Variants in TM2D1 observed in about 807,000 individuals in gnomAD.
The protein encoded by TM2D1 is TM2 domain-containing protein 1.
A neutral mutation model predicts 28.4 loss-of-function variants in TM2D1; 15 were observed. The ratio of observed to expected loss-of-function variants is 0.53; its 90% CI spans 0.35 to 0.81. The LOEUF (loss-of-function observed/expected upper bound fraction) is 0.81, where lower values mean the gene tolerates loss of function less well. Among genes scored for constraint, TM2D1 ranks in the 40% least tolerant of loss-of-function variants. The pLI is 0.01. For missense variants in TM2D1, 236 were observed against 254.9 expected (o/e 0.93, Z 0.50); for synonymous variants, 93 against 96.2 (o/e 0.97, Z 0.20).
At chr1:61,705,318 T>C (rs1644432820) in intron 3 of TM2D1, among the ~76,000 whole-genome samples, 1 of 152,090 alleles carries the variant, frequency 6.6e-6, no homozygotes, top group Non-Finnish European at 1.5e-5. Context: ...CCTGAGTAGC[T>C]GGGATTACAG....
At position 61,725,063 on chromosome 1, in the gene TM2D1, C is replaced by T; in HGVS notation, c.58G>A (p.Val20Ile). 3.1e-6 allele frequency: 5 copies of T among 1,613,936 alleles called. No homozygotes were observed. The highest frequency in any genetic ancestry group is 3.4e-6 in the Non-Finnish European group (4 of 1,179,906). Residue 20 changes from valine to isoleucine, a missense_variant, in exon 1 of 7, where the codon GTT becomes ATT. Transcript: ENST00000606498. ...ACTGAGACGAACCACAGGACACCAACGAGTCTGGCCGTCACGGCCTCCGGA... is the reference window on the plus strand; with the variant it reads ...ACTGAGACGAACCACAGGACACCAATGAGTCTGGCCGTCACGGCCTCCGGA... Reference protein sequence around the residue: ...SAPEAVTARLVGVLWFVSVTT... With the variant: ...SAPEAVTARLIGVLWFVSVTT...
intron 2 of TM2D1, among the ~76,000 whole-genome samples, chr1:61,716,471 A>G (rs1433664349): frequency 2.1e-5 from 3 of 145,470 alleles, no homozygotes; most frequent in Admixed American, 1.4e-4. Flanking sequence ...ATATATAATT[A>G]TATATAATTT....
intron 2 of TM2D1, among the ~76,000 whole-genome samples, chr1:61,713,489 A>G (rs1325740363): frequency 2.6e-5 from 1 of 38,940 alleles, no homozygotes; most frequent in African/African-American, 8.9e-5. Flanking sequence ...ACTCAAAAAC[A>G]AAAAAAAAAA....
chr1:61,683,523 A>T lies in TM2D1; in HGVS notation c.537T>A (p.Ser179Arg), dbSNP rs1431757367. 1 of 1,530,382 alleles carries T rather than the reference A, an allele frequency of 6.5e-7. No homozygotes were observed. The highest frequency in any genetic ancestry group is 1.4e-5 in the African/African-American group (1 of 71,984). The allele number at this position is 1,530,382 out of a possible 1,614,324, so 94.8% of individuals were successfully genotyped here. Reference sequence around the variant, plus strand: ...TTCCATAGTAATCTATAATGTAACTACTTCCATCTGAAGGTCCAACAATCT... The same window carrying T: ...TTCCATAGTAATCTATAATGTAACTTCTTCCATCTGAAGGTCCAACAATCT... The part of the protein sequence containing the change: ...SMQIVGPSDG[S>R]SYIIDYYGTR... The change falls in exon 6 of 7, where the codon AGT becomes AGA. Residue 179 changes from serine to arginine, a missense_variant. Around this residue, in one of 3 missense-constraint regions of TM2D1, gnomAD observed 64 missense variants for 73.1 expected, o/e 0.88. Transcript: ENST00000606498.
chr1:61,690,524 T>G (rs1006661690), intron 5 of TM2D1, among the ~76,000 whole-genome samples: 1 of 151,824 alleles, frequency 6.6e-6, no homozygotes, highest in Admixed American at 6.6e-5. Context: ...TAAAGTATTT[T>G]GTTATAGCCC....
chr1:61,696,574 AAG>A (rs1644364731), intron 4 of TM2D1, among the ~76,000 whole-genome samples: 2 of 152,100 alleles, frequency 1.3e-5, no homozygotes, highest in African/African-American at 2.4e-5. Flanking sequence ...AAAGAAGAAA[AAG>A]AGAGAATATT....
At chr1:61,686,844 A>G (rs1644289022) in intron 5 of TM2D1, 3 of 965,520 alleles carry the variant, frequency 3.1e-6, no homozygotes, top group Non-Finnish European at 3.7e-6. Context: ...GATTGTTTGA[A>G]CCCAGGAATT....
intron 5 of TM2D1, among the ~76,000 whole-genome samples, chr1:61,690,028 ACACCATGTGGG>A (rs1305322178): frequency 1.3e-5 from 2 of 152,188 alleles, no homozygotes; most frequent in African/African-American, 2.4e-5. Flanking sequence ...CTTACCCTTT[ACACCATGTGGG>A]CACATATAGA....
chr1:61,688,819 C>A (rs960435156), intron 5 of TM2D1, among the ~76,000 whole-genome samples: 5 of 134,688 alleles, frequency 3.7e-5, no homozygotes, highest in South Asian at 2.7e-4. Flanking sequence ...TTGAGCCAGG[C>A]AGACCAACTG....
At chr1:61,704,578 C>T (rs1348012580) in intron 3 of TM2D1, among the ~76,000 whole-genome samples, 4 of 151,902 alleles carry the variant, frequency 2.6e-5, no homozygotes, top group Admixed American at 2.6e-4. Context: ...ATTACAGGTG[C>T]CCACCACCAC....
chr1:61,697,841 C>T (rs1260089413), intron 4 of TM2D1: 2 of 152,000 alleles, frequency 1.3e-5, no homozygotes, highest in Non-Finnish European at 2.9e-5. Context: ...CTCTAGTTTC[C>T]TTAAATGTAT....
intron 5 of TM2D1, among the ~76,000 whole-genome samples, chr1:61,685,108 T>A (rs1466226560): frequency 6.6e-6 from 1 of 152,232 alleles, no homozygotes; most frequent in Non-Finnish European, 1.5e-5. Context: ...CCCAGCCTAG[T>A]AGGAAGTTTT....
chr1:61,684,407 T>C (rs1490595552), intron 5 of TM2D1, among the ~76,000 whole-genome samples: 1 of 152,054 alleles, frequency 6.6e-6, no homozygotes, highest in Non-Finnish European at 1.5e-5. Context: ...TGTGGTCATT[T>C]CTCCCACTTG....
intron 2 of TM2D1, among the ~76,000 whole-genome samples, chr1:61,713,775 T>A (rs190740092): frequency 3.3e-5 from 5 of 152,236 alleles, no homozygotes; most frequent in Admixed American, 6.5e-5. Flanking sequence ...ACAAGACACT[T>A]ATTATGATAC....
At chr1:61,688,626 G>C (rs1308640265) in intron 5 of TM2D1, among the ~76,000 whole-genome samples, 3 of 151,776 alleles carry the variant, frequency 2.0e-5, no homozygotes, top group African/African-American at 7.3e-5. Flanking sequence ...AGGAGGCTGA[G>C]GCAGAAGAAT....
chr1:61,700,317 G>C (rs564246236), intron 4 of TM2D1: 2 of 1,427,322 alleles, frequency 1.4e-6, no homozygotes. Context: ...TCAGAGGGTT[G>C]TAAGTCTTCA....
At chr1:61,691,809 G>A (rs530472898) in intron 5 of TM2D1, among the ~76,000 whole-genome samples, 2 of 150,568 alleles carry the variant, frequency 1.3e-5, no homozygotes, top group Admixed American at 1.3e-4. Context: ...CAGCTACTCA[G>A]GAGGCTGAGG....
chr1:61,725,138 TC>T lies in TM2D1; in HGVS notation c.-19del, dbSNP rs1365261889. Reference sequence around the variant, plus strand: ...GCCGCCATCTTGGAGACCGACACTTTCTCGCCACTTCCGCTTCCGCCTCCGC... The same window carrying T: ...GCCGCCATCTTGGAGACCGACACTTTTCGCCACTTCCGCTTCCGCCTCCGC... On this transcript the variant is annotated 5_prime_UTR_variant, in exon 1 of 7. Coordinates refer to ENST00000606498, the MANE Select transcript of TM2D1 (RefSeq NM_032027.3). 3.7e-6 allele frequency: 6 copies of T among 1,613,174 alleles called. No individual in the cohort carries two copies. Among genetic ancestry groups the T allele is most frequent in the Non-Finnish European group, 5.1e-6 (6 of 1,179,706 alleles).
At chr1:61,690,046 T>C (rs1016066924) in intron 5 of TM2D1, among the ~76,000 whole-genome samples, 9 of 152,202 alleles carry the variant, frequency 5.9e-5, no homozygotes, top group African/African-American at 1.9e-4. Context: ...TGGGCACATA[T>C]AGAAGGCACC....
Sources: allele counts gnomAD v4.1 joint callset (sites outside exome capture counted in the v4.1 genomes callset), GRCh38; gene constraint gnomAD v4.1.1; regional missense constraint gnomAD v4.1.1; transcripts MANE v1.5; gene names NCBI Gene and HGNC (gene_info 2026-07-23, HGNC 2026-07-21).